The following CLUAP1 variants were observed in gnomAD, a reference collection of about 807,000 sequenced individuals.
CLUAP1 encodes intraflagellar transport 38.
In CLUAP1, 50 loss-of-function variants were observed where a neutral mutation model predicts 55.0. That is an observed-to-expected ratio of 0.91 (90% confidence interval 0.72 to 1.15). The LOEUF is 1.15. Among genes scored for constraint, CLUAP1 ranks in the 50% most tolerant of loss-of-function variants. The probability of loss-of-function intolerance (pLI) is 0.00; values close to 1 mark genes in which losing one functional copy is unlikely to be tolerated. For synonymous variants in CLUAP1, 195 were observed against 175.4 expected (o/e 1.11, Z -0.88); for missense variants, 530 against 507.6 (o/e 1.04, Z -0.42).
intron 5 of CLUAP1, 30 bp downstream of exon 5, chr16:3,512,508 C>A: frequency 3.3e-6 from 5 of 1,507,604 alleles, no homozygotes; most frequent in Middle Eastern, 1.7e-4. Flanking sequence ...CTTAACCATG[C>A]AGATTTTCTC....
At chr16:3,515,645 C>T in intron 6 of CLUAP1, 54 bp downstream of exon 6, 1 of 1,251,400 alleles carries the variant, frequency 8.0e-7, no homozygotes, top group Non-Finnish European at 1.1e-6. Context: ...TTCAAAAATA[C>T]TGATTTCTTG....
chr16:3,507,845 C>T (rs1215690807), intron 3 of CLUAP1, among the ~76,000 whole-genome samples: 1 of 152,024 alleles, frequency 6.6e-6, no homozygotes, highest in African/African-American at 2.4e-5. Context: ...AGAGAACTTT[C>T]CAAATACATA....
At chr16:3,505,548 A>G (rs2037489207) in intron 2 of CLUAP1, among the ~76,000 whole-genome samples, 1 of 100,086 alleles carries the variant, frequency 1.0e-5, no homozygotes, top group African/African-American at 7.6e-5. Flanking sequence ...CTCCGTCTCA[A>G]AAAAAAAAAA....
chr16:3,525,127 T>C (rs2037916594), intron 8 of CLUAP1, among the ~76,000 whole-genome samples: 1 of 152,210 alleles, frequency 6.6e-6, no homozygotes, highest in Non-Finnish European at 1.5e-5. Context: ...CATTACTCTG[T>C]GGCAGAGGCA....
chr16:3,509,488 C>T (rs919013324), intron 4 of CLUAP1, among the ~76,000 whole-genome samples: 3 of 152,196 alleles, frequency 2.0e-5, no homozygotes, highest in Non-Finnish European at 2.9e-5. Flanking sequence ...CTGGAAGCAG[C>T]GAGCCTGTTT....
At chr16:3,513,666 T>G (rs1309110412) in intron 5 of CLUAP1, among the ~76,000 whole-genome samples, 1 of 152,118 alleles carries the variant, frequency 6.6e-6, no homozygotes, top group Non-Finnish European at 1.5e-5. Context: ...GCCAGGTTGG[T>G]CTCAAACTCC....
chr16:3,497,925 G>A (rs973499920), upstream of CLUAP1, among the ~76,000 whole-genome samples: 9 of 152,154 alleles, frequency 5.9e-5, no homozygotes, highest in African/African-American at 2.2e-4. Flanking sequence ...CCAAAGTGCT[G>A]GGGTGATAGG....
At chr16:3,526,329 G>A (rs1337795922) in intron 8 of CLUAP1, 83 bp from the exon 9 acceptor site, 1 of 828,312 alleles carries the variant, frequency 1.2e-6, no homozygotes, top group Non-Finnish European at 1.8e-6. Flanking sequence ...CACAAACTTA[G>A]CAGTCCTTAC....
At chr16:3,507,190 T>TAA (rs1286913000) in intron 3 of CLUAP1, among the ~76,000 whole-genome samples, 1 of 149,654 alleles carries the variant, frequency 6.7e-6, no homozygotes, top group African/African-American at 2.5e-5. Context: ...AGCAAGACTC[T>TAA]GTCTTAAAAA....
In CLUAP1 at chr16:3,526,409, C is replaced by A; in HGVS notation, c.856-3C>A. On this transcript the variant is annotated splice_region_variant and splice_polypyrimidine_tract_variant and intron_variant, in intron 8 of 11. Transcript: ENST00000576634. ...TCCTGAGTCTGTATTTCCTCTTCCA[C>A]AGGAAGCTAAAAACACTCTCTGCCT... The A allele has an allele frequency of 6.3e-7, 1 of 1,598,010 alleles. No individual in the cohort carries two copies. Among genetic ancestry groups the A allele is most frequent in the Admixed American group, 1.8e-5 (1 of 56,022 alleles).
chr16:3,507,471 G>T (rs549019135), intron 3 of CLUAP1, among the ~76,000 whole-genome samples: 27 of 150,646 alleles, frequency 1.8e-4, no homozygotes, highest in African/African-American at 6.3e-4. Flanking sequence ...GAGGTGGGAG[G>T]ATTGCTTGAG....
chr16:3,506,449 T>C, intron 3 of CLUAP1, 34 bp downstream of exon 3: 1 of 1,482,614 alleles, frequency 6.7e-7, no homozygotes, highest in Non-Finnish European at 9.4e-7. Flanking sequence ...AGTTGTAAAA[T>C]TAAATAAACT....
At chr16:3,507,490 G>T (rs538258972) in intron 3 of CLUAP1, among the ~76,000 whole-genome samples, 67 of 151,330 alleles carry the variant, frequency 4.4e-4, no homozygotes, top group Non-Finnish European at 8.1e-4. Flanking sequence ...AGCCCGGGAG[G>T]TTGAGGCTGC....
At chr16:3,500,282 C>T (rs956421506), upstream of CLUAP1, among the ~76,000 whole-genome samples, 2 of 152,228 alleles carry the variant, frequency 1.3e-5, no homozygotes, top group East Asian at 1.9e-4. Context: ...CCACAGTGAT[C>T]CCGTCCTCCG....
At chr16:3,516,720 T>C (rs1026279811) in intron 6 of CLUAP1, among the ~76,000 whole-genome samples, 1 of 152,216 alleles carries the variant, frequency 6.6e-6, no homozygotes, top group Non-Finnish European at 1.5e-5. Flanking sequence ...TTTATTTATA[T>C]ACATACACGT....
chr16:3,506,283 C>A, intron 2 of CLUAP1, 48 bp from the exon 3 acceptor site: 1 of 1,476,080 alleles, frequency 6.8e-7, no homozygotes, highest in South Asian at 1.1e-5. Context: ...CTTTAGTAGA[C>A]TTTCTCCTTG....
chr16:3,506,247 G>C, intron 2 of CLUAP1, 84 bp from the exon 3 acceptor site: 1 of 1,095,636 alleles, frequency 9.1e-7, no homozygotes, highest in Non-Finnish European at 1.4e-6. Flanking sequence ...TTCCAGACCC[G>C]CTGTCCTCTC....
At chr16:3,503,725 A>G (rs1457849099) in intron 1 of CLUAP1, among the ~76,000 whole-genome samples, 1 of 152,110 alleles carries the variant, frequency 6.6e-6, no homozygotes, top group Non-Finnish European at 1.5e-5. Context: ...TGAATAGCTG[A>G]GACCACAGGC....
At position 3,501,078 on chromosome 16, in the gene CLUAP1, G is replaced by T; in HGVS notation, c.11G>T (p.Arg4Leu). The stretch of plus-strand genomic sequence containing the variant: ...GGGGACCTGAGCGTTATGTCTTTCC[G>T]CGACCTCCGCAGTAAGGCAGCCCCG... MSFRDLRNFTEMMR... is the reference protein window; with the variant it reads MSFLDLRNFTEMMR... Residue 4 changes from arginine to leucine, a missense_variant, in exon 1 of 12, where the codon CGC (arginine) becomes CTC (leucine). Physicochemically the swap from Arg to Leu is moderately radical, Grantham distance 102 (BLOSUM62 -2). Transcript: ENST00000576634. 1 of 1,598,534 alleles carries T rather than the reference G, an allele frequency of 6.3e-7. No individual in the cohort carries two copies. Among genetic ancestry groups the T allele is most frequent in the South Asian group, 1.1e-5 (1 of 89,722 alleles).
Sources: allele counts gnomAD v4.1 joint callset (sites outside exome capture counted in the v4.1 genomes callset), GRCh38; gene constraint gnomAD v4.1.1; transcripts MANE v1.5; gene names NCBI Gene and HGNC (gene_info 2026-07-23, HGNC 2026-07-21).